The following ZNF684 variants were observed in gnomAD, a reference collection of about 807,000 sequenced individuals.
ZNF684 encodes zinc finger protein 684, also known as hypothetical protein MGC27466.
A neutral mutation model predicts 12.8 loss-of-function variants in ZNF684; 13 were observed. The observed-to-expected ratio is 1.02, with a 90% CI of 0.66 to 1.62. ZNF684 has a LOEUF of 1.62. Ranked by LOEUF, ZNF684 falls within the 40% of genes most tolerant of loss-of-function variation. ZNF684 has a pLI of 0.00. For synonymous variants in ZNF684, 118 were observed against 151.8 expected, an observed-to-expected ratio of 0.78 and a Z score of 1.64; for missense variants, 384 against 446.9, an observed-to-expected ratio of 0.86 and a Z score of 1.27.
Position 40,540,702 on chromosome 1 carries a change from C to A in ZNF684, c.132C>A (p.Leu44=). Residue 44 remains leucine, a synonymous_variant, in exon 3 of 5, where the codon CTC becomes CTA. Transcript: ENST00000372699. The part of the protein sequence containing the change: ...WDVMLENYRN[L]ISVGCPITKT... ...TGATGTTGGAGAACTATAGAAACCT[C>A]ATCTCAGTGGGTAAGGACAATGAGT... is the stretch of plus-strand genomic sequence containing the variant. 1 of 1,604,384 alleles carries A rather than the reference C, an allele frequency of 6.2e-7. No homozygotes were observed. Among genetic ancestry groups the A allele is most frequent in the Admixed American group, 1.7e-5 (1 of 58,704 alleles).
chr1:40,547,231 T>C lies in ZNF684; in HGVS notation c.908T>C (p.Ile303Thr), dbSNP rs1646054039. ...GGAGAGAAACCCTACCAGTGTATCA[T>C]ATGTGGCAAAGCTTTTGGCAACACA... ...HTGEKPYQCI[I>T]CGKAFGNTSV... Residue 303 changes from isoleucine (I) to threonine (T), a missense_variant, in exon 5 of 5, where the codon ATA becomes ACA. Physicochemically the swap from Ile to Thr is moderately conservative, Grantham distance 89 (BLOSUM62 -1). Transcript: ENST00000372699. The C allele has an allele frequency of 6.2e-7, 1 of 1,614,146 alleles. No individual in the cohort carries two copies. The highest frequency in any genetic ancestry group is 1.3e-5 in the African/African-American group (1 of 75,030).
At position 40,547,250 on chromosome 1, in the gene ZNF684, C is replaced by T. The variant is rs1389448123; in HGVS notation, c.927C>T (p.Gly309=). The change falls in exon 5 of 5, where the codon GGC becomes GGT. Residue 309 remains glycine (G), a synonymous_variant. Transcript: ENST00000372699. The part of the protein sequence containing the change: ...YQCIICGKAF[G]NTSVLVTHQR... ...GTATCATATGTGGCAAAGCTTTTGG[C>T]AACACATCCGTGCTTGTTACACACC... The T allele has an allele frequency of 3.0e-5, 49 of 1,614,182 alleles. No homozygotes were observed. The highest frequency in any genetic ancestry group is 1.6e-4 in the Middle Eastern group (1 of 6,062).
In ZNF684 at chr1:40,531,661, G is replaced by C. The variant is rs1645958729; in HGVS notation, c.-151G>C. On this transcript the variant is annotated 5_prime_UTR_variant, in exon 1 of 5. Transcript: ENST00000372699. ...CACACGCGTAGTAGGACGGTAGCCG[G>C]TATTCAATCTTCAAATCAGCGCCGC... 6.6e-6 allele frequency: 1 copy of C among 152,282 alleles called. No individual in the cohort carries two copies. Among genetic ancestry groups the C allele is most frequent in the Non-Finnish European group, 1.5e-5 (1 of 68,088 alleles). The allele number at this position is 152,282 out of a possible 1,614,324, so 9.4% of individuals were successfully genotyped here.
chr1:40,539,511 G>T (rs1255189223), intron 2 of ZNF684, among the ~76,000 whole-genome samples: 1 of 151,772 alleles, frequency 6.6e-6, no homozygotes, highest in Non-Finnish European at 1.5e-5. Flanking sequence ...TCAAATAAAA[G>T]AAAAGAAAAA....
rs771680303 is a variant in ZNF684, at chr1:40,547,317, T to C, written c.994T>C (p.Cys332Arg). ...AGAGAAACCTTACAGTTGTATTGAATGTGGCAAAGCCTTCATCAAGAAGTC... is the reference window on the plus strand; with the variant it reads ...AGAGAAACCTTACAGTTGTATTGAACGTGGCAAAGCCTTCATCAAGAAGTC... ...TGEKPYSCIE[C>R]GKAFIKKSHL... The change falls in exon 5 of 5, where the codon TGT becomes CGT. Residue 332 changes from cysteine (C) to arginine (R), a missense_variant. Coordinates refer to ENST00000372699, the MANE Select transcript of ZNF684 (RefSeq NM_152373.4). The C allele has an allele frequency of 1.2e-6, 2 of 1,614,088 alleles. No homozygotes were observed. Among genetic ancestry groups the C allele is most frequent in the East Asian group, 2.2e-5 (1 of 44,884 alleles).
At chr1:40,541,752 T>A in intron 4 of ZNF684, 42 bp downstream of exon 4, 1 of 1,526,092 alleles carries the variant, frequency 6.6e-7, no homozygotes. Flanking sequence ...GGAGTTGAGA[T>A]CCCCATTGGT....
intron 4 of ZNF684, among the ~76,000 whole-genome samples, chr1:40,542,927 G>A (rs909011348): frequency 6.6e-6 from 1 of 152,130 alleles, no homozygotes. Context: ...TCAAATGATT[G>A]ACATATCTTT....
chr1:40,547,220 C>G lies in ZNF684; in HGVS notation c.897C>G (p.Tyr299Ter). ...GATTTCATACAGGAGAGAAACCCTACCAGTGTATCATATGTGGCAAAGCTT... is the reference window on the plus strand; with the variant it reads ...GATTTCATACAGGAGAGAAACCCTAGCAGTGTATCATATGTGGCAAAGCTT... Reference protein sequence around the residue: ...HSRFHTGEKPYQCIICGKAFG... With the variant: ...HSRFHTGEKP The change falls in exon 5 of 5, where the codon TAC becomes TAG. Residue 299 changes from tyrosine to a stop codon, truncating the protein, a stop_gained. Transcript: ENST00000372699. LOFTEE classifies it low-confidence loss of function (END_TRUNC). The G allele has an allele frequency of 1.2e-6, 2 of 1,614,146 alleles. No individual in the cohort carries two copies. Among genetic ancestry groups the G allele is most frequent in the South Asian group, 2.2e-5 (2 of 91,080 alleles).
Position 40,547,469 on chromosome 1 carries a change from TTATGAA to T in ZNF684, c.*15_*20del, listed in dbSNP as rs777405414. 5.7e-6 allele frequency: 9 copies of T among 1,578,834 alleles called. No individual in the cohort carries two copies. In the South Asian group the frequency reaches 5.8e-5, roughly 10 times the overall value. On this transcript the variant is annotated 3_prime_UTR_variant, in exon 5 of 5. Transcript: ENST00000372699. ...AGAAAATTCATACATAATATTCACT[TTATGAA>T]TATGAGAAGGCCTTATTAAATATTT...
At chr1:40,538,280 A>T (rs949860676) in intron 2 of ZNF684, among the ~76,000 whole-genome samples, 1 of 152,178 alleles carries the variant, frequency 6.6e-6, no homozygotes, top group African/African-American at 2.4e-5. Context: ...GGTGAGAGGC[A>T]TGACACCTGG....
intron 4 of ZNF684, among the ~76,000 whole-genome samples, chr1:40,545,780 T>G (rs1646043094): frequency 6.6e-6 from 1 of 152,092 alleles, no homozygotes; most frequent in African/African-American, 2.4e-5. Flanking sequence ...GTGAGAGAAA[T>G]AGGGAATTAT....
At chr1:40,538,476 G>A (rs1412170028) in intron 2 of ZNF684, among the ~76,000 whole-genome samples, 3 of 152,124 alleles carry the variant, frequency 2.0e-5, no homozygotes, top group Admixed American at 2.0e-4. Flanking sequence ...ACATTTGTCT[G>A]TGGGTTTTTG....
chr1:40,540,901 A>G (rs1056855272), intron 3 of ZNF684, among the ~76,000 whole-genome samples, 189 bp downstream of exon 3: 3 of 151,972 alleles, frequency 2.0e-5, no homozygotes, highest in Non-Finnish European at 2.9e-5. Context: ...GACTGTCTCA[A>G]CAAAATTTAG....
rs1645965888 is a variant in ZNF684 at position 40,533,024 on chromosome 1, G to A, written c.-24-119G>A. ...TAGAAATGTCATTCTCCCCCACTAG[G>A]TGGCATTTTCTGAGGCTGCAGTGTG... On this transcript the variant is annotated intron_variant, in intron 1 of 4. Transcript: ENST00000372699. The A allele has an allele frequency of 5.8e-6, 4 of 687,314 alleles. No individual in the cohort carries two copies. The South Asian group carries it at 7.9e-5, about 14-fold the overall frequency. 42.6% of individuals were successfully genotyped at this position (687,314 alleles called of 1,614,324 possible).
chr1:40,540,691 T>C lies in ZNF684; in HGVS notation c.121T>C (p.Tyr41His). The change falls in exon 3 of 5, where the codon TAT becomes CAT. Residue 41 changes from tyrosine to histidine, a missense_variant. By Grantham distance (83) the Tyr-to-His change is moderately conservative (BLOSUM62 2). Transcript: ENST00000372699. The stretch of plus-strand genomic sequence containing the variant: ...GTATTGGGATGTGATGTTGGAGAAC[T>C]ATAGAAACCTCATCTCAGTGGGTAA... ...TLYWDVMLEN[Y>H]RNLISVGCPI... 6.2e-7 allele frequency: 1 copy of C among 1,608,938 alleles called. No homozygotes were observed. The highest frequency in any genetic ancestry group is 1.3e-5 in the African/African-American group (1 of 74,694).
rs931235893 is a variant in ZNF684 at position 40,539,332 on chromosome 1, A to C, written c.16-1254A>C. 3.3e-5 allele frequency among the ~76,000 whole-genome samples: 5 copies of C among 152,020 alleles called. No individual in the cohort carries two copies. In the East Asian group the frequency reaches 5.8e-4, roughly 18 times the overall value. On this transcript the variant is annotated intron_variant, in intron 2 of 4. Coordinates refer to ENST00000372699, the MANE Select transcript of ZNF684 (RefSeq NM_152373.4). ...GCATGAGCCACTGCACCTGGCCTCC[A>C]AAAAATATTTTTTTAATTGCCTGGG... is the stretch of plus-strand genomic sequence containing the variant.
In ZNF684 at chr1:40,546,558, T is replaced by G. The variant is rs376992608; in HGVS notation, c.239-4T>G. 52 of 1,532,636 alleles carry G rather than the reference T, an allele frequency of 3.4e-5. No individual in the cohort carries two copies. Among genetic ancestry groups the G allele is most frequent in the Non-Finnish European group, 3.9e-5 (45 of 1,146,298 alleles). 94.9% of individuals were successfully genotyped at this position (1,532,636 alleles called of 1,614,324 possible). ...TAGGAATGTTTTGTTGTACTCCTTT[T>G]TAGAATCTGACTACCCACTTGTTGA... On this transcript the variant is annotated splice_polypyrimidine_tract_variant and splice_region_variant and intron_variant, in intron 4 of 4. Coordinates refer to ENST00000372699, the MANE Select transcript of ZNF684 (RefSeq NM_152373.4).
At chr1:40,533,055 T>C (rs1645965977) in intron 1 of ZNF684, 88 bp from the exon 2 acceptor site, 3 of 1,100,702 alleles carry the variant, frequency 2.7e-6, no homozygotes, top group Admixed American at 2.2e-5. Context: ...GTGTGGGTAC[T>C]TATGGTCTGA....
intron 2 of ZNF684, among the ~76,000 whole-genome samples, chr1:40,540,016 TCAG>T (rs1553135191): frequency 6.6e-6 from 1 of 152,204 alleles, no homozygotes; most frequent in Non-Finnish European, 1.5e-5. Context: ...AAGCCTCTTA[TCAG>T]ATATATGATT....
Sources: allele counts gnomAD v4.1 joint callset (sites outside exome capture counted in the v4.1 genomes callset), GRCh38; gene constraint gnomAD v4.1.1; transcripts MANE v1.5; gene names NCBI Gene and HGNC (gene_info 2026-07-23, HGNC 2026-07-21).